SOX6: variants seen among roughly 807,000 people sequenced by gnomAD.
SOX6 encodes the protein transcription factor SOX-6.
SOX6 carries 11 observed loss-of-function variants against 97.8 expected under a neutral mutation model. The observed-to-expected ratio is 0.11, with a 90% CI of 0.07 to 0.19. The LOEUF (loss-of-function observed/expected upper bound fraction) is 0.19. Among genes scored for constraint, SOX6 ranks in the 10% least tolerant of loss-of-function variants. The pLI, the probability that SOX6 is intolerant of heterozygous loss-of-function variation, is 1.00. For synonymous variants in SOX6, 360 were observed against 371.4 expected, an observed-to-expected ratio of 0.97 and a Z score of 0.35; for missense variants, 810 against 1,039.5, an observed-to-expected ratio of 0.78 and a Z score of 3.04.
At chr11:16,410,220 T>C (rs1858776176) in intron 1 of SOX6, among the ~76,000 whole-genome samples, 1 of 151,932 alleles carries the variant, frequency 6.6e-6, no homozygotes, top group South Asian at 2.1e-4. Flanking sequence ...AATAAAGAAA[T>C]TTTAAAAGTT....
chr11:16,198,112 G>T (rs147552767), intron 4 of SOX6, among the ~76,000 whole-genome samples: 340 of 151,974 alleles, frequency 2.2e-3, no homozygotes, highest in African/African-American at 8.0e-3. Flanking sequence ...GGAGTGCAGT[G>T]GCTCGATCTT....
At chr11:16,253,622 G>T (rs1590066519) in intron 3 of SOX6, among the ~76,000 whole-genome samples, 1 of 151,796 alleles carries the variant, frequency 6.6e-6, no homozygotes. Context: ...GACTGGATAT[G>T]ACTAAGAAAA....
intron 3 of SOX6, among the ~76,000 whole-genome samples, chr11:16,267,182 A>G: frequency 7.3e-6 from 1 of 137,500 alleles, no homozygotes; most frequent in Middle Eastern, 3.3e-3. Flanking sequence ...AAGCAAAAAT[A>G]GACAAATGGG....
intron 4 of SOX6, among the ~76,000 whole-genome samples, chr11:16,225,036 A>T (rs1852645525): frequency 6.6e-6 from 1 of 152,100 alleles, no homozygotes; most frequent in Non-Finnish European, 1.5e-5. Context: ...ACTGGCAAAC[A>T]TTATTTCATT....
chr11:16,675,620 G>C (rs375140415), intron 3 of SOX6, among the ~76,000 whole-genome samples: 10 of 152,264 alleles, frequency 6.6e-5, no homozygotes, highest in African/African-American at 2.2e-4. Context: ...AAGTCCCTTT[G>C]TCATTTTTTG....
intron 12 of SOX6, among the ~76,000 whole-genome samples, chr11:16,029,981 G>A (rs1234576394): frequency 4.6e-5 from 7 of 152,118 alleles, no homozygotes; most frequent in Admixed American, 2.6e-4. Flanking sequence ...TTGAATTTGC[G>A]TTATGATCAA....
chr11:16,686,067 G>T (rs1847966977), intron 3 of SOX6, among the ~76,000 whole-genome samples: 1 of 152,232 alleles, frequency 6.6e-6, no homozygotes, highest in African/African-American at 2.4e-5. Context: ...CAGGGCAGTG[G>T]GGTCCTGTGC....
chr11:16,304,896 C>T (rs140890595), intron 3 of SOX6, among the ~76,000 whole-genome samples: 46 of 152,044 alleles, frequency 3.0e-4, no homozygotes, highest in Non-Finnish European at 5.6e-4. Flanking sequence ...TGACTTAAAC[C>T]TCACACCTTA....
chr11:16,565,240 T>C lies in SOX6; in HGVS notation n.609+46841A>G, dbSNP rs1270308589. On this transcript the variant is annotated intron_variant and non_coding_transcript_variant, in intron 4 of 5. Coordinates refer to the SOX6 transcript ENST00000524520. ...CACTTGCTCAAAAAACAGAAATTACTACAATTCACTCAATATGAAATGACA... is the reference window on the plus strand; with the variant it reads ...CACTTGCTCAAAAAACAGAAATTACCACAATTCACTCAATATGAAATGACA... 2.6e-5 allele frequency among the ~76,000 whole-genome samples: 4 copies of C among 152,172 alleles called. No homozygotes were observed. In the East Asian group the frequency reaches 7.7e-4, roughly 29 times the overall value.
chr11:16,150,916 T>G (rs1411394230), intron 6 of SOX6, among the ~76,000 whole-genome samples: 2 of 152,150 alleles, frequency 1.3e-5, no homozygotes, highest in African/African-American at 4.8e-5. Context: ...CGTACCCAAG[T>G]GTCAATATAT....
chr11:16,291,541 C>A (rs932743452), intron 3 of SOX6, among the ~76,000 whole-genome samples: 2 of 151,910 alleles, frequency 1.3e-5, no homozygotes, highest in South Asian at 4.2e-4. Context: ...ATTCTAATGG[C>A]TCCAGCCTAA....
At chr11:16,145,044 CA>C (rs1221334703) in intron 6 of SOX6, among the ~76,000 whole-genome samples, 1 of 151,942 alleles carries the variant, frequency 6.6e-6, no homozygotes, top group Non-Finnish European at 1.5e-5. Context: ...AGAGACACAA[CA>C]AAAAAAGAGA....
At chr11:16,146,424 T>C (rs1367893501) in intron 6 of SOX6, among the ~76,000 whole-genome samples, 2 of 152,108 alleles carry the variant, frequency 1.3e-5, no homozygotes, top group South Asian at 2.1e-4. Context: ...GGCAATACCA[T>C]TCAGGACATA....
intron 1 of SOX6, among the ~76,000 whole-genome samples, chr11:16,461,053 A>T (rs1224317421): frequency 6.6e-6 from 1 of 152,076 alleles, no homozygotes; most frequent in Non-Finnish European, 1.5e-5. Context: ...AAAACTGTTA[A>T]TTTTCAGAGA....
chr11:16,395,380 T>C (rs116463334), intron 1 of SOX6, among the ~76,000 whole-genome samples: 301 of 151,814 alleles, frequency 2.0e-3, no homozygotes, highest in Middle Eastern at 6.8e-3. Flanking sequence ...TCTGAAGAAA[T>C]GACATTTAAA....
intron 1 of SOX6, among the ~76,000 whole-genome samples, chr11:16,365,732 C>T (rs1857341155): frequency 6.6e-6 from 1 of 152,224 alleles, no homozygotes; most frequent in East Asian, 1.9e-4. Flanking sequence ...AGATTAGATG[C>T]TCGTCTTAAC....
In SOX6 at chr11:16,096,109, C is replaced by T; in HGVS notation, c.988G>A (p.Val330Ile). The T allele has an allele frequency of 6.2e-7, 1 of 1,603,342 alleles. No homozygotes were observed. The highest frequency in any genetic ancestry group is 1.4e-5 in the African/African-American group (1 of 73,020). The change falls in exon 9 of 16, where the codon GTC (valine) becomes ATC (isoleucine). Residue 330 changes from valine (V) to isoleucine (I), a missense_variant. Coordinates refer to ENST00000683767, the MANE Select transcript of SOX6 (RefSeq NM_001367873.1). Reference sequence around the variant, plus strand: ...CTTTGGTTAATTTGTGGGTGGGAGACATGACCCTTCTGTTTAGTAGCATAT... The same window carrying T: ...CTTTGGTTAATTTGTGGGTGGGAGATATGACCCTTCTGTTTAGTAGCATAT... ...LSPLQLQKGHVSHPQINQRLK... is the reference protein window; with the variant it reads ...LSPLQLQKGHISHPQINQRLK...
intron 2 of SOX6, among the ~76,000 whole-genome samples, chr11:16,720,297 T>C (rs1848250380): frequency 6.9e-6 from 1 of 144,188 alleles, no homozygotes. Context: ...CCAACCCAAA[T>C]GTCCAACAAT....
chr11:16,178,810 C>T (rs1424544248), intron 6 of SOX6, among the ~76,000 whole-genome samples: 1 of 151,824 alleles, frequency 6.6e-6, no homozygotes, highest in Non-Finnish European at 1.5e-5. Context: ...ATGATAAATA[C>T]AAATAACAAA....
Sources: gnomAD v4.1 joint callset for allele counts (sites outside exome capture counted in the v4.1 genomes callset) on GRCh38, gnomAD v4.1.1 for gene constraint, MANE v1.5 for transcripts, NCBI Gene and HGNC (gene_info 2026-07-23, HGNC 2026-07-21) for gene names.